Variants in SASH1 observed in about 807,000 individuals in gnomAD.
SASH1 encodes the protein SAM and SH3 domain containing 1.
Under a neutral mutation model 125.2 loss-of-function variants are expected in SASH1, and 44 were observed. The observed-to-expected ratio is 0.35, with a 90% CI of 0.28 to 0.45. The LOEUF is 0.45. Ranked by LOEUF, SASH1 falls within the 20% of genes least tolerant of loss-of-function variation. The pLI is 1.00. For missense variants in SASH1, 1,426 were observed against 1,614.5 expected, an observed-to-expected ratio of 0.88 and a Z score of 2.00; for synonymous variants, 639 against 649.1, an observed-to-expected ratio of 0.98 and a Z score of 0.24.
At chr6:148,526,121 C>G (rs557812275) in intron 11 of SASH1, among the ~76,000 whole-genome samples, 1 of 129,198 alleles carries the variant, frequency 7.7e-6, no homozygotes, top group Admixed American at 9.2e-5. Flanking sequence ...TGTAGTGGCA[C>G]AATCTTGCCT....
At chr6:148,225,552 T>G in the SASH1 span, among the ~76,000 whole-genome samples, 1 of 151,918 alleles carries the variant, frequency 6.6e-6, no homozygotes, top group Non-Finnish European at 1.5e-5. Context: ...AATGATATAA[T>G]GGACTTTGGA....
At chr6:148,332,595 TA>T (rs200153929) in intron 1 of SASH1, among the ~76,000 whole-genome samples, 38,781 of 146,828 alleles carry the variant, frequency 0.26, 4,993 homozygotes, top group East Asian at 0.34. Context: ...AACAGAGCTT[TA>T]AAAAAAAAAA....
intron 1 of SASH1, among the ~76,000 whole-genome samples, chr6:148,285,312 C>T (rs971325969): frequency 6.6e-6 from 1 of 152,184 alleles, no homozygotes; most frequent in Admixed American, 6.5e-5. Context: ...AGTTGCCTTG[C>T]CATTTCCAAA....
chr6:148,279,208 C>G (rs1369139788), intron 1 of SASH1, among the ~76,000 whole-genome samples: 1 of 152,096 alleles, frequency 6.6e-6, no homozygotes, highest in African/African-American at 2.4e-5. Flanking sequence ...CCAGGCTGGT[C>G]TTGAACTCCT....
upstream of SASH1, among the ~76,000 whole-genome samples, chr6:148,270,005 A>G (rs9377120): frequency 0.42 from 63,814 of 152,130 alleles, 13,841 homozygotes; most frequent in African/African-American, 0.53. Context: ...GCCGTACACC[A>G]TAGACCGATA....
At chr6:148,244,932 A>ATGTG in the SASH1 span, among the ~76,000 whole-genome samples, 3,189 of 119,584 alleles carry the variant, frequency 0.027, 79 homozygotes, top group Admixed American at 0.079. Context: ...GTGTGTGTGT[A>ATGTG]TGTGTGTGTG....
At chr6:148,446,711 CTTA>C (rs1776811869) in intron 4 of SASH1, among the ~76,000 whole-genome samples, 1 of 152,130 alleles carries the variant, frequency 6.6e-6, no homozygotes, top group African/African-American at 2.4e-5. Flanking sequence ...TTATTGAGTT[CTTA>C]TTATGTGCCA....
At position 148,548,600 on chromosome 6, in the gene SASH1, C is replaced by T; in HGVS notation, c.*42C>T. On this transcript the variant is annotated 3_prime_UTR_variant, in exon 20 of 20. Coordinates refer to ENST00000367467, the MANE Select transcript of SASH1 (RefSeq NM_015278.5). ...CCTCTCTGGACAAGAGCCACCCTTT[C>T]ACTGTGCATATGATGCTGATGCAAT... 6.5e-7 allele frequency: 1 copy of T among 1,544,254 alleles called. No homozygotes were observed. The highest frequency in any genetic ancestry group is 1.4e-5 in the African/African-American group (1 of 72,648).
chr6:148,322,995 C>CTT (rs1780692121), intron 1 of SASH1, among the ~76,000 whole-genome samples: 1 of 136,874 alleles, frequency 7.3e-6, no homozygotes, highest in African/African-American at 2.7e-5. Flanking sequence ...TTCTCTTTCT[C>CTT]TCTCTCTCTC....
chr6:148,298,653 G>A (rs1209800511), intron 1 of SASH1, among the ~76,000 whole-genome samples: 1 of 90,892 alleles, frequency 1.1e-5, no homozygotes, highest in African/African-American at 4.2e-5. Context: ...AAGGAAGGGA[G>A]GGAGGGAGGG....
chr6:148,500,265 T>A (rs1779509876), intron 8 of SASH1, among the ~76,000 whole-genome samples: 1 of 152,102 alleles, frequency 6.6e-6, no homozygotes. Context: ...GGGCTTCATT[T>A]TGTGGTCCAT....
the SASH1 span, among the ~76,000 whole-genome samples, chr6:148,206,831 A>ACACACAC: frequency 2.6e-5 from 4 of 151,226 alleles, no homozygotes; most frequent in South Asian, 2.1e-4. Flanking sequence ...ACACACACAC[A>ACACACAC]AATTAACATA....
intron 8 of SASH1, among the ~76,000 whole-genome samples, chr6:148,510,012 T>A (rs1482531884): frequency 6.6e-6 from 1 of 152,174 alleles, no homozygotes; most frequent in African/African-American, 2.4e-5. Context: ...CGGCAAATGG[T>A]GTGCTATCTC....
intron 1 of SASH1, among the ~76,000 whole-genome samples, chr6:148,366,082 C>T (rs1202216154): frequency 6.6e-6 from 1 of 151,772 alleles, no homozygotes; most frequent in Non-Finnish European, 1.5e-5. Flanking sequence ...CACTGCACTC[C>T]AGCCTGGGGG....
intron 4 of SASH1, among the ~76,000 whole-genome samples, chr6:148,444,864 T>C (rs1016513910): frequency 6.6e-6 from 1 of 152,208 alleles, no homozygotes; most frequent in Non-Finnish European, 1.5e-5. Flanking sequence ...TGGCATGGGC[T>C]GCTCGACTGA....
chr6:148,449,506 G>A (rs539516790), intron 4 of SASH1, among the ~76,000 whole-genome samples: 57 of 151,804 alleles, frequency 3.8e-4, no homozygotes, highest in Admixed American at 3.0e-3. Context: ...TCCTGCCTCA[G>A]CCTCCCGAGT....
chr6:148,440,678 G>A, intron 4 of SASH1: 3 of 467,046 alleles, frequency 6.4e-6, no homozygotes, highest in Non-Finnish European at 1.1e-5. Flanking sequence ...AATAGAAAGG[G>A]AAAGGATAGG....
At chr6:148,473,899 G>T (rs984197548) in intron 6 of SASH1, among the ~76,000 whole-genome samples, 12 of 152,162 alleles carry the variant, frequency 7.9e-5, no homozygotes, top group Non-Finnish European at 1.6e-4. Context: ...ACACCCACGT[G>T]TTCTGCAAGC....
intron 4 of SASH1, among the ~76,000 whole-genome samples, chr6:148,467,368 C>G (rs569469839): frequency 1.3e-5 from 2 of 151,970 alleles, no homozygotes; most frequent in Non-Finnish European, 2.9e-5. Flanking sequence ...TTGATACAAC[C>G]AATTTTAACT....
Sources: gnomAD v4.1 joint callset for allele counts (sites outside exome capture counted in the v4.1 genomes callset) on GRCh38, gnomAD v4.1.1 for gene constraint, MANE v1.5 for transcripts, NCBI Gene and HGNC (gene_info 2026-07-23, HGNC 2026-07-21) for gene names.